The following LIMS1 variants were observed in gnomAD, a reference collection of about 807,000 sequenced individuals.
LIMS1 encodes the protein LIM zinc finger domain containing 1, also known as LIM and senescent cell antigen-like-containing domain protein 1.
In LIMS1, 18 loss-of-function variants were observed where a neutral mutation model predicts 44.1. That is an observed-to-expected ratio of 0.41 (90% confidence interval 0.28 to 0.61). LIMS1 has a LOEUF of 0.61. LIMS1 is among the 20% of genes least tolerant of loss of function. The probability of loss-of-function intolerance (pLI) is 0.32; values close to 1 mark genes in which losing one functional copy is unlikely to be tolerated. For synonymous variants in LIMS1, 93 were observed against 149.1 expected (o/e 0.62, Z 2.74); for missense variants, 201 against 422.0 (o/e 0.48, Z 4.59).
intron 5 of LIMS1, among the ~76,000 whole-genome samples, chr2:108,674,439 T>A (rs991062548): frequency 1.3e-5 from 2 of 151,674 alleles, no homozygotes; most frequent in Non-Finnish European, 2.9e-5. Flanking sequence ...GAAAACAGTT[T>A]GGGCCAGGTG....
At chr2:108,612,008 A>ATATAT (rs1687667448) in intron 1 of LIMS1, among the ~76,000 whole-genome samples, 1 of 139,732 alleles carries the variant, frequency 7.2e-6, no homozygotes, top group East Asian at 2.3e-4. Flanking sequence ...ATATACACAC[A>ATATAT]TATATATATA....
chr2:108,599,840 T>G (rs1361250394), intron 1 of LIMS1, among the ~76,000 whole-genome samples: 4 of 152,038 alleles, frequency 2.6e-5, no homozygotes, highest in African/African-American at 9.6e-5. Flanking sequence ...GAGAAATATC[T>G]TTTCATATAT....
chr2:108,567,967 C>T (rs10199007), intron 1 of LIMS1, among the ~76,000 whole-genome samples: 7,654 of 152,268 alleles, frequency 0.05, 272 homozygotes, highest in South Asian at 0.15. Context: ...ATTTAACCAC[C>T]ATTTTGACCT....
chr2:108,553,347 A>G (rs942556622), intron 1 of LIMS1, among the ~76,000 whole-genome samples: 1 of 152,180 alleles, frequency 6.6e-6, no homozygotes, highest in Non-Finnish European at 1.5e-5. Flanking sequence ...ATTGAAGCAA[A>G]TGACCTTTAA....
At chr2:108,679,845 T>G (rs1558845113) in intron 8 of LIMS1, among the ~76,000 whole-genome samples, 1 of 151,856 alleles carries the variant, frequency 6.6e-6, no homozygotes, top group Non-Finnish European at 1.5e-5. Context: ...AGCCCAGGAG[T>G]TCGAGCTGTG....
chr2:108,661,644 C>T (rs1163744251), intron 2 of LIMS1, among the ~76,000 whole-genome samples: 3 of 152,070 alleles, frequency 2.0e-5, no homozygotes, highest in Non-Finnish European at 4.4e-5. Context: ...TAGGAAATCC[C>T]TAGGTGCTGC....
intron 1 of LIMS1, among the ~76,000 whole-genome samples, chr2:108,581,369 A>G (rs1057464058): frequency 2.0e-5 from 3 of 152,224 alleles, no homozygotes; most frequent in Admixed American, 2.0e-4. Flanking sequence ...GTAATTTCAA[A>G]TCAATCAAAT....
intron 1 of LIMS1, among the ~76,000 whole-genome samples, chr2:108,614,366 G>A (rs759633467): frequency 6.6e-6 from 1 of 152,158 alleles, no homozygotes; most frequent in Non-Finnish European, 1.5e-5. Context: ...TCCAGATGCT[G>A]GGGAGGGTGT....
At chr2:108,593,982 A>T (rs78989242) in intron 1 of LIMS1, among the ~76,000 whole-genome samples, 2 of 152,364 alleles carry the variant, frequency 1.3e-5, no homozygotes, top group East Asian at 3.9e-4. Flanking sequence ...AAGTGTTCAC[A>T]CATGAAATAG....
At chr2:108,607,323 C>T (rs1687325745) in intron 1 of LIMS1, 2 of 1,426,030 alleles carry the variant, frequency 1.4e-6, no homozygotes, top group South Asian at 1.2e-5. Context: ...CATAATTGAG[C>T]ACACCAGTTG....
At chr2:108,678,293 C>T in intron 8 of LIMS1, 2 of 577,908 alleles carry the variant, frequency 3.5e-6, no homozygotes, top group Non-Finnish European at 5.8e-6. Flanking sequence ...CTGGTGGACC[C>T]TAAGACCTGT....
At chr2:108,644,833 A>C (rs1689953068) in intron 1 of LIMS1, among the ~76,000 whole-genome samples, 1 of 152,024 alleles carries the variant, frequency 6.6e-6, no homozygotes, top group Non-Finnish European at 1.5e-5. Context: ...AAAACACAGT[A>C]CAAGAACTTC....
chr2:108,681,656 C>T (rs1250674310), intron 9 of LIMS1: 3 of 907,272 alleles, frequency 3.3e-6, no homozygotes, highest in African/African-American at 1.8e-5. Context: ...CATGGTGGCT[C>T]ACGCCTGTAA....
intron 1 of LIMS1, among the ~76,000 whole-genome samples, chr2:108,552,149 T>G (rs892109915): frequency 1.4e-5 from 2 of 145,616 alleles, no homozygotes; most frequent in Non-Finnish European, 3.0e-5. Context: ...ACTATATAAT[T>G]ATAGTTAAAT....
intron 1 of LIMS1, among the ~76,000 whole-genome samples, chr2:108,629,191 G>C (rs1013602747): frequency 6.6e-6 from 1 of 152,200 alleles, no homozygotes; most frequent in Non-Finnish European, 1.5e-5. Flanking sequence ...CAGTGTTATA[G>C]GGAAGAAGTA....
At chr2:108,580,116 G>C (rs1685828907) in intron 1 of LIMS1, among the ~76,000 whole-genome samples, 1 of 152,140 alleles carries the variant, frequency 6.6e-6, no homozygotes, top group Non-Finnish European at 1.5e-5. Context: ...AAAAATACTG[G>C]GGTTGCTCCC....
At chr2:108,537,184 G>T (rs978060584) in intron 1 of LIMS1, among the ~76,000 whole-genome samples, 7 of 152,160 alleles carry the variant, frequency 4.6e-5, no homozygotes, top group African/African-American at 1.7e-4. Flanking sequence ...ATGCTACAGT[G>T]ACTTCTTAGG....
rs1289906298 is a variant in LIMS1 at position 108,681,248 on chromosome 2, C to T, written c.899+478C>T. 6 of 1,244,144 alleles carry T rather than the reference C, an allele frequency of 4.8e-6. No homozygotes were observed. The Admixed American group carries it at 2.3e-4, about 48-fold the overall frequency. 77.1% of individuals were successfully genotyped at this position (1,244,144 alleles called of 1,614,324 possible). ...CTTTTGGGCATGTATTTGTAGTCAT[C>T]AGAGATTGAAATACAAGTATTTGTC... On this transcript the variant is annotated intron_variant, in intron 9 of 9. Coordinates refer to ENST00000544547, the Ensembl canonical transcript of LIMS1.
Position 108,597,934 on chromosome 2 carries a change from C to T in LIMS1, c.33-61671C>T, listed in dbSNP as rs77351762. On this transcript the variant is annotated intron_variant, in intron 1 of 9. Transcript: ENST00000544547. ...GTCTTGAACTCCTGACCTGGTGATC[C>T]GCCCGCCTCAGCCTCCCAAAGTGGT... Among the ~76,000 whole-genome samples the T allele has an allele frequency of 2.0e-3, 301 of 152,038 alleles. 3 individuals are homozygous for T. Among genetic ancestry groups the T allele is most frequent in the African/African-American group, 6.9e-3 (286 of 41,446 alleles).
Sources: gnomAD v4.1 joint callset for allele counts (sites outside exome capture counted in the v4.1 genomes callset) on GRCh38, gnomAD v4.1.1 for gene constraint, MANE v1.5 for transcripts, NCBI Gene and HGNC (gene_info 2026-07-23, HGNC 2026-07-21) for gene names.